SLC12A7: variants seen among roughly 807,000 people sequenced by gnomAD.
The protein encoded by SLC12A7 is K-Cl cotransporter 4.
Under a neutral mutation model 120.6 loss-of-function variants are expected in SLC12A7, and 100 were observed. That is an observed-to-expected ratio of 0.83 (90% CI 0.71 to 0.98). The LOEUF (loss-of-function observed/expected upper bound fraction) is 0.98. Among genes scored for constraint, SLC12A7 ranks in the 50% least tolerant of loss-of-function variants. The probability of loss-of-function intolerance (pLI) is 0.00; values close to 1 mark genes in which losing one functional copy is unlikely to be tolerated. For synonymous variants in SLC12A7, 760 were observed against 678.0 expected (o/e 1.12, Z -1.88); for missense variants, 1,373 against 1,548.1 (o/e 0.89, Z 1.90).
the SLC12A7 span, among the ~76,000 whole-genome samples, chr5:1,154,725 C>G: frequency 9.9e-5 from 15 of 152,228 alleles, no homozygotes; most frequent in African/African-American, 3.4e-4. Flanking sequence ...ACGCACGGCC[C>G]CCACACACGT....
intron 5 of SLC12A7, among the ~76,000 whole-genome samples, 186 bp from the exon 6 acceptor site, chr5:1,087,219 C>G (rs761570671): frequency 6.6e-6 from 1 of 152,120 alleles, no homozygotes; most frequent in Non-Finnish European, 1.5e-5. Context: ...TCCCGAGGCT[C>G]GGCACACGTT....
Position 1,063,810 on chromosome 5 carries a change from C to A in SLC12A7, c.2739+34G>T, listed in dbSNP as rs201626562. 3,088 of 1,140,286 alleles carry A rather than the reference C, an allele frequency of 2.7e-3. 33 individuals are homozygous for A. The highest frequency in any genetic ancestry group is 3.0e-3 in the Admixed American group (132 of 43,452). The allele number at this position is 1,140,286 out of a possible 1,614,324, so 70.6% of individuals were successfully genotyped here. On this transcript the variant is annotated intron_variant, in intron 20 of 23. Coordinates refer to ENST00000264930, the MANE Select transcript of SLC12A7 (RefSeq NM_006598.3). Reference sequence around the variant, plus strand: ...GCCCCCCACCTCCTCCCCACCTCCCCCCGGCCTCCTCCCCTCAAGCCCTCG... The same window carrying A: ...GCCCCCCACCTCCTCCCCACCTCCCACCGGCCTCCTCCCCTCAAGCCCTCG...
At chr5:1,062,736 G>A (rs1413189992) in intron 20 of SLC12A7, among the ~76,000 whole-genome samples, 1 of 152,174 alleles carries the variant, frequency 6.6e-6, no homozygotes, top group Non-Finnish European at 1.5e-5. Flanking sequence ...GGGCTGGAGA[G>A]ACCGCACCTC....
At position 1,052,286 on chromosome 5, in the gene SLC12A7, TG is replaced by T; in HGVS notation, c.*73del. 3.1e-6 allele frequency: 4 copies of T among 1,287,670 alleles called. No homozygotes were observed. Among genetic ancestry groups the T allele is most frequent in the Non-Finnish European group, 4.5e-6 (4 of 885,618 alleles). The allele number at this position is 1,287,670 out of a possible 1,614,324, so 79.8% of individuals were successfully genotyped here. On this transcript the variant is annotated 3_prime_UTR_variant, in exon 24 of 24. Coordinates refer to ENST00000264930, the MANE Select transcript of SLC12A7 (RefSeq NM_006598.3). ...CAGGTGTGTCTGCCGTCTGTTTCCC[TG>T]GGCCAAGCCCAGGCCCAGGCTGCCC...
Position 1,085,686 on chromosome 5 carries a change from G to A in SLC12A7, c.676-213C>T, listed in dbSNP as rs562453886. 5.4e-4 allele frequency among the ~76,000 whole-genome samples: 82 copies of A among 150,992 alleles called. 2 individuals are homozygous for A. In the South Asian group the frequency reaches 0.015, roughly 27 times the overall value. On this transcript the variant is annotated intron_variant, in intron 6 of 23. Transcript: ENST00000264930. ...AGCGCACAGGCGAGGGACGGAGCCC[G>A]CGGGGGTCAGCGCACAGGCGAGGGA...
chr5:1,151,715 G>C, the SLC12A7 span, among the ~76,000 whole-genome samples: 1 of 152,012 alleles, frequency 6.6e-6, no homozygotes, highest in African/African-American at 2.4e-5. This position sits in a 1 kb window ranked among gnomAD's most constrained non-coding sequence, Gnocchi z 6.2. Context: ...GCGGGGGGCA[G>C]GGGGTGGGTG....
intron 20 of SLC12A7, among the ~76,000 whole-genome samples, chr5:1,061,514 CCCGCCGCACCTGCCGCAT>C (rs1178715312): frequency 1.7e-5 from 2 of 120,142 alleles, no homozygotes; most frequent in African/African-American, 7.1e-5. Context: ...ACCCGCCGCA[CCCGCCGCACCTGCCGCAT>C]CCGCCATGCG....
chr5:1,080,489 C>A (rs1738919209), intron 9 of SLC12A7, among the ~76,000 whole-genome samples: 1 of 152,236 alleles, frequency 6.6e-6, no homozygotes, highest in African/African-American at 2.4e-5. Flanking sequence ...GGCCCTGCAG[C>A]TGACCCTGGG....
At position 1,087,049 on chromosome 5, in the gene SLC12A7, C is replaced by T. The variant is rs566255225; in HGVS notation, c.545-16G>A. On this transcript the variant is annotated splice_polypyrimidine_tract_variant and intron_variant, in intron 5 of 23. Transcript: ENST00000264930. ...GACCCGCCAGCTGCGGAGACAAAGG[C>T]GGCAGCCGCGGGTCAGGGGCGCACT... is the stretch of plus-strand genomic sequence containing the variant. 2.4e-5 allele frequency: 39 copies of T among 1,606,108 alleles called. No individual in the cohort carries two copies. Among genetic ancestry groups the T allele is most frequent in the African/African-American group, 2.4e-4 (18 of 74,896 alleles).
rs367582213 is a variant in SLC12A7 at position 1,085,371 on chromosome 5, C to G, written c.778G>C (p.Val260Leu). ...NMRVYGTCTLVLMALVVFVGV... is the reference protein window; with the variant it reads ...NMRVYGTCTLLLMALVVFVGV... ...ACGAAGACCACCAGGGCCATGAGCA[C>G]GAGCGTGCACGTGCCGTACACACGC... The change falls in exon 7 of 24, where the codon GTG becomes CTG. Residue 260 changes from valine (V) to leucine (L), a missense_variant. Val to Leu is a conservative substitution (Grantham distance 32). Transcript: ENST00000264930. 6 of 1,612,300 alleles carry G rather than the reference C, an allele frequency of 3.7e-6. No homozygotes were observed. In the Admixed American group the frequency reaches 1.0e-4, roughly 27 times the overall value.
chr5:1,147,494 G>A, the SLC12A7 span, among the ~76,000 whole-genome samples: 1 of 151,816 alleles, frequency 6.6e-6, no homozygotes, highest in African/African-American at 2.4e-5. Context: ...GTCCTCTCGG[G>A]GCCGCCTCCT....
In SLC12A7 at chr5:1,112,005, C is replaced by A; in HGVS notation, c.-14G>T. ...GTTGGTGGGCATGGCCGCCTGCAGC[C>A]GACAGTCCCCGTCCCGGCCCGGCCC... On this transcript the variant is annotated 5_prime_UTR_variant, in exon 1 of 24. Transcript: ENST00000264930. 1 of 1,265,314 alleles carries A rather than the reference C, an allele frequency of 7.9e-7. No individual in the cohort carries two copies. The highest frequency in any genetic ancestry group is 9.9e-7 in the Non-Finnish European group (1 of 1,005,750). The allele number at this position is 1,265,314 out of a possible 1,614,324, so 78.4% of individuals were successfully genotyped here. A position where few individuals can be genotyped will look rare whatever the true frequency, so the allele number is the denominator to read the frequency against.
intron 22 of SLC12A7, 44 bp downstream of exon 22, chr5:1,057,427 C>G: frequency 1.3e-6 from 2 of 1,557,836 alleles, no homozygotes; most frequent in Non-Finnish European, 1.7e-6. Flanking sequence ...CGGGCCAGCA[C>G]TGCCAGGATC....
the SLC12A7 span, among the ~76,000 whole-genome samples, chr5:1,121,538 G>A: frequency 6.6e-6 from 1 of 152,268 alleles, no homozygotes; most frequent in Non-Finnish European, 1.5e-5. Flanking sequence ...GGAAAGAGAA[G>A]GCAGCGGCAT....
chr5:1,057,522 C>T lies in SLC12A7; in HGVS notation c.2975G>A (p.Arg992Lys). Residue 992 changes from arginine (R) to lysine (K), a missense_variant, in exon 22 of 24, where the codon AGG (arginine) becomes AAG (lysine). Coordinates refer to ENST00000264930, the MANE Select transcript of SLC12A7 (RefSeq NM_006598.3). ...ACCAGATAGGCTGGTGTCTCTGCTC[C>T]TGTACTTCTCAGCGATCAGCTTCTC... ...TREKLIAEKY[R>K]SRDTSLSGFK... is the part of the protein sequence containing the mutation. The T allele has an allele frequency of 1.2e-5, 20 of 1,613,422 alleles. No individual in the cohort carries two copies. The highest frequency in any genetic ancestry group is 1.7e-5 in the Non-Finnish European group (20 of 1,179,958).
At chr5:1,090,497 G>C (rs1740376659) in intron 3 of SLC12A7, among the ~76,000 whole-genome samples, 1 of 152,202 alleles carries the variant, frequency 6.6e-6, no homozygotes, top group South Asian at 2.1e-4. Flanking sequence ...TTTGTTCTTG[G>C]TGCAAACGAG....
At chr5:1,121,138 C>A in the SLC12A7 span, among the ~76,000 whole-genome samples, 245 of 152,360 alleles carry the variant, frequency 1.6e-3, no homozygotes, top group African/African-American at 5.5e-3. Context: ...CCGCATCCCT[C>A]ATCTTGCAGG....
chr5:1,124,831 A>G, the SLC12A7 span, among the ~76,000 whole-genome samples: 1 of 152,214 alleles, frequency 6.6e-6, no homozygotes, highest in Non-Finnish European at 1.5e-5. Context: ...TCAAAAGAAA[A>G]GACACCAGTG....
rs953866782 is a variant in SLC12A7 at position 1,075,236 on chromosome 5, C to T, written c.1967+135G>A. 3 of 1,283,062 alleles carry T rather than the reference C, an allele frequency of 2.3e-6. No homozygotes were observed. In the South Asian group the frequency reaches 4.6e-5, roughly 20 times the overall value. 79.5% of individuals were successfully genotyped at this position (1,283,062 alleles called of 1,614,324 possible). On this transcript the variant is annotated intron_variant, in intron 15 of 23. Coordinates refer to ENST00000264930, the MANE Select transcript of SLC12A7 (RefSeq NM_006598.3). ...TCACAACACAGCCCACCTGGACGTG[C>T]TCCCAGCTGCCCCTGTGAGGGCACA...
Sources: gnomAD v4.1 joint callset for allele counts (sites outside exome capture counted in the v4.1 genomes callset) on GRCh38, gnomAD v4.1.1 for gene constraint, Gnocchi (gnomAD v3.1) non-coding constraint, MANE v1.5 for transcripts, NCBI Gene and HGNC (gene_info 2026-07-23, HGNC 2026-07-21) for gene names.